JADE3: variants seen among roughly 807,000 people sequenced by gnomAD.
The protein encoded by JADE3 is protein Jade-3.
Under a neutral mutation model 50.1 loss-of-function variants are expected in JADE3, and 2 were observed. That is an observed-to-expected ratio of 0.04 (90% CI 0.02 to 0.13). JADE3 has a LOEUF of 0.13. Among genes scored for constraint, JADE3 ranks in the 10% least tolerant of loss-of-function variants. The pLI is 1.00. For missense variants in JADE3, 475 were observed against 634.4 expected (o/e 0.75, Z 2.70); for synonymous variants, 218 against 232.9 (o/e 0.94, Z 0.58).
At chrX:47,050,361 A>G (rs1362775762) in intron 8 of JADE3, among the ~76,000 whole-genome samples, 8 of 112,022 alleles carry the variant, frequency 7.1e-5, no homozygotes, top group Non-Finnish European at 5.6e-5. Context: ...CTGTCATCTC[A>G]TGCGTTTATC....
At chrX:46,961,371 AAGT>A (rs1436734179) in intron 1 of JADE3, among the ~76,000 whole-genome samples, 1 of 112,214 alleles carries the variant, frequency 8.9e-6, no homozygotes, top group Non-Finnish European at 1.9e-5. Context: ...TCAGTTGTCA[AAGT>A]AGTTATGTGG....
chrX:47,057,410 A>G (rs1420561452), intron 10 of JADE3, among the ~76,000 whole-genome samples: 1 of 111,678 alleles, frequency 9.0e-6, no homozygotes, highest in Non-Finnish European at 1.9e-5. Flanking sequence ...AAATAATAGA[A>G]GAAGACCTGC....
chrX:47,036,471 G>T (rs1929134537), intron 7 of JADE3, among the ~76,000 whole-genome samples: 1 of 109,502 alleles, frequency 9.1e-6, no homozygotes, highest in East Asian at 2.9e-4. Flanking sequence ...AGGTGCTGGA[G>T]AGGATGTGGA....
intron 4 of JADE3, among the ~76,000 whole-genome samples, chrX:47,005,922 A>G (rs1928404958): frequency 9.0e-6 from 1 of 111,406 alleles, no homozygotes; most frequent in Admixed American, 9.6e-5. Context: ...CCCAACCCTG[A>G]TCTCCAGCCA....
At chrX:46,933,388 T>C (rs1254484905) in intron 1 of JADE3, among the ~76,000 whole-genome samples, 3 of 112,518 alleles carry the variant, frequency 2.7e-5, no homozygotes, top group African/African-American at 9.7e-5. Flanking sequence ...CTTAGTTATA[T>C]ACAGTATAAG....
At chrX:47,042,681 G>T (rs1387823750) in intron 8 of JADE3, among the ~76,000 whole-genome samples, 2 of 111,886 alleles carry the variant, frequency 1.8e-5, no homozygotes, top group African/African-American at 6.5e-5. Flanking sequence ...CTCAGCCACA[G>T]TAGAAGAAAG....
chrX:46,999,751 A>G (rs1928237529), intron 4 of JADE3, among the ~76,000 whole-genome samples: 1 of 110,563 alleles, frequency 9.0e-6, no homozygotes, highest in Admixed American at 9.8e-5. Flanking sequence ...TAATAAGTTC[A>G]GTTAAAGAGT....
chrX:46,924,291 C>T (rs868940826), intron 1 of JADE3, among the ~76,000 whole-genome samples: 40 of 111,783 alleles, frequency 3.6e-4, no homozygotes, highest in African/African-American at 1.2e-3. Context: ...CACTCTCATG[C>T]CAGCTCATAC....
At chrX:46,971,938 G>C (rs189409016) in intron 1 of JADE3, among the ~76,000 whole-genome samples, 107 of 110,162 alleles carry the variant, frequency 9.7e-4, no homozygotes, top group African/African-American at 3.2e-3. Context: ...AGGGATTGGG[G>C]TGGGGAGTGT....
chrX:47,049,292 A>C (rs1275466231), intron 8 of JADE3, among the ~76,000 whole-genome samples: 1 of 98,964 alleles, frequency 1.0e-5, no homozygotes, highest in African/African-American at 3.8e-5. Context: ...GGTTCAAGCA[A>C]TTCTCTGCCT....
At chrX:47,016,985 A>G (rs1454572999) in intron 4 of JADE3, among the ~76,000 whole-genome samples, 1 of 112,105 alleles carries the variant, frequency 8.9e-6, no homozygotes, top group Non-Finnish European at 1.9e-5. Context: ...TTTTGGATAT[A>G]TGTATAAATT....
At chrX:46,934,144 G>GT (rs1418006235) in intron 1 of JADE3, among the ~76,000 whole-genome samples, 7 of 110,483 alleles carry the variant, frequency 6.3e-5, no homozygotes, top group Non-Finnish European at 9.5e-5. Context: ...TTTTCATTTT[G>GT]TTTTTTTTAA....
chrX:46,962,801 A>G (rs942436275), intron 1 of JADE3, among the ~76,000 whole-genome samples: 4 of 109,235 alleles, frequency 3.7e-5, no homozygotes, highest in Admixed American at 9.9e-5. Context: ...GACTTGCAAC[A>G]ATGGCAGTTT....
intron 4 of JADE3, among the ~76,000 whole-genome samples, chrX:46,998,795 A>T (rs1275911152): frequency 3.6e-5 from 4 of 110,547 alleles, no homozygotes; most frequent in African/African-American, 9.9e-5. Flanking sequence ...CGGGTTCAAG[A>T]GATTCTCCTG....
At position 47,056,106 on chromosome X, in the gene JADE3, A is replaced by G; in HGVS notation, c.1468A>G (p.Ser490Gly). 8.3e-7 allele frequency: 1 copy of G among 1,203,721 alleles called. No homozygotes were observed. Residue 490 changes from serine to glycine, a missense_variant, in exon 10 of 11, where the codon AGC becomes GGC. This residue lies in a region of JADE3 where 81 missense variants were observed against 123.8 expected (regional missense o/e 0.65). Transcript: ENST00000614628. ...ERVRNLCYMISRREKLKLSHN... is the reference protein window; with the variant it reads ...ERVRNLCYMIGRREKLKLSHN... ...GGTCCGAAATCTGTGCTATATGATA[A>G]GCAGACGAGAGAAGCTGAAGCTGTC...
At chrX:46,936,726 TTTAAG>T (rs1368860573) in intron 1 of JADE3, among the ~76,000 whole-genome samples, 4 of 112,106 alleles carry the variant, frequency 3.6e-5, no homozygotes, top group Non-Finnish European at 7.5e-5. Context: ...CTCCATTTCA[TTTAAG>T]TTGTCTATGT....
intron 8 of JADE3, among the ~76,000 whole-genome samples, chrX:47,047,023 A>G (rs1266792612): frequency 8.9e-6 from 1 of 111,847 alleles, no homozygotes; most frequent in Admixed American, 9.5e-5. Flanking sequence ...GAATTAAGGC[A>G]TATCATTCCT....
intron 1 of JADE3, among the ~76,000 whole-genome samples, chrX:46,934,049 C>A (rs1556340368): frequency 1.8e-5 from 2 of 111,617 alleles, no homozygotes; most frequent in African/African-American, 6.5e-5. Flanking sequence ...GGTAAAAATC[C>A]TTTGGTTATT....
intron 1 of JADE3, among the ~76,000 whole-genome samples, chrX:46,913,601 T>C (rs1402916125): frequency 9.0e-6 from 1 of 111,341 alleles, no homozygotes; most frequent in Non-Finnish European, 1.9e-5. Context: ...GTTGTTTTTT[T>C]TAATAGCCTT....
Sources: gnomAD v4.1 joint callset for allele counts (sites outside exome capture counted in the v4.1 genomes callset) on GRCh38, gnomAD v4.1.1 for gene constraint, gnomAD v4.1.1 regional missense constraint, MANE v1.5 for transcripts, NCBI Gene and HGNC (gene_info 2026-07-23, HGNC 2026-07-21) for gene names.